ARHGAP19: variants seen among roughly 807,000 people sequenced by gnomAD.
The protein encoded by ARHGAP19 is rho GTPase-activating protein 19.
A neutral mutation model predicts 60.9 loss-of-function variants in ARHGAP19; 48 were observed. The observed-to-expected ratio is 0.79, with a 90% CI of 0.62 to 1.00. The LOEUF is 1.00. ARHGAP19 is among the 50% of genes least tolerant of loss of function. The pLI is 0.00. For missense variants in ARHGAP19, 562 were observed against 597.2 expected (o/e 0.94, Z 0.61); for synonymous variants, 209 against 215.5 (o/e 0.97, Z 0.27).
At position 97,229,232 on chromosome 10, in the gene ARHGAP19, T is replaced by TA; in HGVS notation, c.1396-8dup. The TA allele has an allele frequency of 6.2e-7, 1 of 1,610,404 alleles. No homozygotes were observed. The highest frequency in any genetic ancestry group is 1.1e-5 in the South Asian group (1 of 91,022). ...CTGGAGAGCCAGAAAATAACTGTAA[T>TA]AAGAAAATTGTACAGTGGTTTCAAT... On this transcript the variant is annotated splice_polypyrimidine_tract_variant and splice_region_variant and intron_variant, in intron 10 of 11. Transcript: ENST00000358531.
At chr10:97,273,057 G>T (rs1842979956) in intron 1 of ARHGAP19, among the ~76,000 whole-genome samples, 1 of 152,008 alleles carries the variant, frequency 6.6e-6, no homozygotes, top group Admixed American at 6.6e-5. Context: ...AGCCAGGATG[G>T]TCTCGATCTC....
chr10:97,236,803 G>GAAAAAAAAAAAAAAA (rs71007323), intron 8 of ARHGAP19, among the ~76,000 whole-genome samples: 2 of 80,032 alleles, frequency 2.5e-5, no homozygotes, highest in Non-Finnish European at 4.6e-5. Context: ...AACAGACTCA[G>GAAAAAAAAAAAAAAA]AAAAAAAAAA....
intron 5 of ARHGAP19, among the ~76,000 whole-genome samples, chr10:97,258,956 G>A (rs1842791595): frequency 6.6e-6 from 1 of 152,144 alleles, no homozygotes; most frequent in African/African-American, 2.4e-5. Flanking sequence ...TCAGGACAAG[G>A]CAGGATTGCT....
intron 11 of ARHGAP19, among the ~76,000 whole-genome samples, chr10:97,228,401 C>CA (rs1427299612): frequency 2.0e-5 from 3 of 152,264 alleles, no homozygotes; most frequent in African/African-American, 7.2e-5. Context: ...AATGTGCTGC[C>CA]AAAACATTAT....
rs11594097 is a variant in ARHGAP19, at chr10:97,234,419, A to T, written c.1284+798T>A. On this transcript the variant is annotated intron_variant, in intron 9 of 11. Coordinates refer to ENST00000358531, the MANE Select transcript of ARHGAP19 (RefSeq NM_032900.6). ...CATGTACCCAGAAATAAAAATTAAAAAAAAAAAAAAAAAAAAAAGATACTC... is the reference window on the plus strand; with the variant it reads ...CATGTACCCAGAAATAAAAATTAAATAAAAAAAAAAAAAAAAAAGATACTC... Among the ~76,000 whole-genome samples, 20 of 41,750 alleles carry T rather than the reference A, an allele frequency of 4.8e-4. 1 individual carries two copies. Among genetic ancestry groups the T allele is most frequent in the South Asian group, 2.6e-3 (3 of 1,164 alleles). 27.4% of individuals were successfully genotyped at this position (41,750 alleles called of 152,430 possible).
chr10:97,285,701 GTA>G (rs991110559), intron 1 of ARHGAP19, among the ~76,000 whole-genome samples: 1 of 151,866 alleles, frequency 6.6e-6, no homozygotes, highest in African/African-American at 2.4e-5. Flanking sequence ...TATATTTTTA[GTA>G]GAGACAGGGT....
At chr10:97,285,519 CTT>C (rs1245251335) in intron 1 of ARHGAP19, among the ~76,000 whole-genome samples, 13 of 110,904 alleles carry the variant, frequency 1.2e-4, no homozygotes, top group East Asian at 2.8e-4. Flanking sequence ...TTTTTTTTTG[CTT>C]TTTTTTTTTT....
At chr10:97,242,268 G>A (rs1007084805) in intron 8 of ARHGAP19, among the ~76,000 whole-genome samples, 7 of 118,872 alleles carry the variant, frequency 5.9e-5, no homozygotes, top group African/African-American at 1.9e-4. Flanking sequence ...ATAATTTTCT[G>A]TTTTTCTAAA....
At chr10:97,242,511 T>G (rs1404337163) in intron 8 of ARHGAP19, among the ~76,000 whole-genome samples, 1 of 151,558 alleles carries the variant, frequency 6.6e-6, no homozygotes, top group Non-Finnish European at 1.5e-5. Flanking sequence ...TTTTTTTGTT[T>G]TGTTTTGTTT....
chr10:97,237,239 A>G (rs1842395037), intron 8 of ARHGAP19, among the ~76,000 whole-genome samples: 1 of 137,614 alleles, frequency 7.3e-6, no homozygotes, highest in African/African-American at 2.7e-5. Context: ...ATTCCAGTCT[A>G]GGCAACAGAG....
At chr10:97,243,598 G>A (rs1013538995) in intron 8 of ARHGAP19, among the ~76,000 whole-genome samples, 1 of 152,160 alleles carries the variant, frequency 6.6e-6, no homozygotes, top group South Asian at 2.1e-4. Context: ...TTGAAACATT[G>A]CTGTTACTAT....
At chr10:97,251,209 G>GAAGGGGAAT (rs1241149330) in intron 6 of ARHGAP19, among the ~76,000 whole-genome samples, 3 of 9,452 alleles carry the variant, frequency 3.2e-4, no homozygotes, top group Non-Finnish European at 8.5e-4. Flanking sequence ...GAAAGGGAAG[G>GAAGGGGAAT]GGAAGGGGAA....
intron 6 of ARHGAP19, among the ~76,000 whole-genome samples, chr10:97,251,480 G>A (rs115948011): frequency 0.073 from 543 of 7,450 alleles, no homozygotes; most frequent in Middle Eastern, 0.2. Context: ...GAGAAGAGGA[G>A]GGGAAGGGGA....
chr10:97,235,993 T>C (rs1842372456), intron 8 of ARHGAP19, among the ~76,000 whole-genome samples: 1 of 152,196 alleles, frequency 6.6e-6, no homozygotes, highest in Non-Finnish European at 1.5e-5. Context: ...CTGTTGTTGC[T>C]GGAGACAGAG....
At chr10:97,228,304 C>T (rs1158573823) in intron 11 of ARHGAP19, among the ~76,000 whole-genome samples, 2 of 152,282 alleles carry the variant, frequency 1.3e-5, no homozygotes, top group Non-Finnish European at 1.5e-5. Flanking sequence ...ACTTCAGCTG[C>T]CACATGAGCC....
chr10:97,228,989 C>T, intron 11 of ARHGAP19, 158 bp downstream of exon 11: 1 of 736,312 alleles, frequency 1.4e-6, no homozygotes, highest in Non-Finnish European at 2.4e-6. Context: ...GTTCAATAAC[C>T]ATCTGGTGAA....
intron 1 of ARHGAP19, among the ~76,000 whole-genome samples, chr10:97,280,275 G>A (rs1041167291): frequency 6.6e-6 from 1 of 151,924 alleles, no homozygotes; most frequent in Non-Finnish European, 1.5e-5. Context: ...TGGGTGTGGT[G>A]GTGCACACCT....
chr10:97,282,839 C>A (rs112423836), intron 1 of ARHGAP19, among the ~76,000 whole-genome samples: 1 of 90,994 alleles, frequency 1.1e-5, no homozygotes, highest in Non-Finnish European at 2.3e-5. Flanking sequence ...TTTCTTTTTT[C>A]TTTTTTTTTT....
intron 1 of ARHGAP19, among the ~76,000 whole-genome samples, chr10:97,284,276 C>T (rs541059040): frequency 1.8e-4 from 27 of 152,212 alleles, no homozygotes; most frequent in African/African-American, 5.8e-4. Flanking sequence ...ATGTGCGACA[C>T]CATGCCCAGC....
Sources: allele counts gnomAD v4.1 joint callset (sites outside exome capture counted in the v4.1 genomes callset), GRCh38; gene constraint gnomAD v4.1.1; transcripts MANE v1.5; gene names NCBI Gene and HGNC (gene_info 2026-07-23, HGNC 2026-07-21).